Variants in ZFPM2 observed in about 807,000 individuals in gnomAD.
The protein encoded by ZFPM2 is zinc finger protein ZFPM2.
Under a neutral mutation model 98.6 loss-of-function variants are expected in ZFPM2, and 20 were observed. The observed-to-expected ratio is 0.20, with a 90% confidence interval of 0.14 to 0.29. The LOEUF (loss-of-function observed/expected upper bound fraction) is 0.29. Among genes scored for constraint, ZFPM2 ranks in the 10% least tolerant of loss-of-function variants. ZFPM2 has a pLI of 1.00. For synonymous variants in ZFPM2, 518 were observed against 502.7 expected (o/e 1.03, Z -0.41); for missense variants, 1,310 against 1,388.6 (o/e 0.94, Z 0.90).
chr8:105,440,392 T>C (rs1424331287), intron 2 of ZFPM2, among the ~76,000 whole-genome samples: 2 of 152,138 alleles, frequency 1.3e-5, no homozygotes, highest in African/African-American at 4.8e-5. Flanking sequence ...AAATCAGTTA[T>C]TAAAAAGTGA....
At chr8:105,782,687 T>A (rs1813285112) in intron 5 of ZFPM2, among the ~76,000 whole-genome samples, 1 of 152,126 alleles carries the variant, frequency 6.6e-6, no homozygotes, top group Admixed American at 6.5e-5. Flanking sequence ...ATTGTAATTT[T>A]GGGTAATATT....
At chr8:105,760,109 C>G (rs1157844856) in intron 5 of ZFPM2, among the ~76,000 whole-genome samples, 1 of 151,804 alleles carries the variant, frequency 6.6e-6, no homozygotes, top group African/African-American at 2.4e-5. Context: ...TCAGGGAAGA[C>G]TTCTTGGTGG....
chr8:105,677,261 T>C lies in ZFPM2; in HGVS notation c.532+42904T>C, dbSNP rs889533839. 8.2e-4 allele frequency among the ~76,000 whole-genome samples: 125 copies of C among 152,138 alleles called. 1 individual carries two copies. Among genetic ancestry groups the C allele is most frequent in the African/African-American group, 2.9e-3 (122 of 41,518 alleles). On this transcript the variant is annotated intron_variant, in intron 5 of 7. Coordinates refer to ENST00000407775, the MANE Select transcript of ZFPM2 (RefSeq NM_012082.4). ...CATAATAATGGCTAATTCTTAACAC[T>C]GCTTACTATGGACAAGATGCTATGC... is the stretch of plus-strand genomic sequence containing the variant.
intron 5 of ZFPM2, among the ~76,000 whole-genome samples, chr8:105,773,725 C>A (rs1813036661): frequency 6.6e-6 from 1 of 151,018 alleles, no homozygotes; most frequent in Non-Finnish European, 1.5e-5. Context: ...ACAAAACCCC[C>A]CACCACCATT....
At chr8:105,511,871 C>T (rs772363692) in intron 3 of ZFPM2, among the ~76,000 whole-genome samples, 3 of 152,106 alleles carry the variant, frequency 2.0e-5, no homozygotes, top group Admixed American at 6.6e-5. Flanking sequence ...ACAGGTCAGA[C>T]GGGGTGGTTC....
intron 3 of ZFPM2, among the ~76,000 whole-genome samples, chr8:105,542,775 A>G (rs1472481125): frequency 1.3e-5 from 2 of 152,214 alleles, no homozygotes; most frequent in East Asian, 1.9e-4. Flanking sequence ...GATTCCTTAT[A>G]TACTTTGCCA....
chr8:105,673,772 T>C (rs145525550), intron 5 of ZFPM2, among the ~76,000 whole-genome samples: 193 of 152,348 alleles, frequency 1.3e-3, no homozygotes, highest in African/African-American at 4.5e-3. Context: ...GCCACTTCTT[T>C]CTGAGCCTTA....
chr8:105,615,348 A>G (rs13271123), intron 4 of ZFPM2, among the ~76,000 whole-genome samples: 2,866 of 152,262 alleles, frequency 0.019, 33 homozygotes, highest in Non-Finnish European at 0.03. Flanking sequence ...AAGAATGTCA[A>G]GGACAGAGCA....
chr8:105,397,947 C>G (rs1371653227), intron 1 of ZFPM2, among the ~76,000 whole-genome samples: 3 of 152,014 alleles, frequency 2.0e-5, no homozygotes, highest in African/African-American at 7.2e-5. Context: ...AGAGGTTTAA[C>G]CAGCTACATC....
chr8:105,668,904 A>AT (rs997262233), intron 5 of ZFPM2, among the ~76,000 whole-genome samples: 1 of 152,174 alleles, frequency 6.6e-6, no homozygotes, highest in African/African-American at 2.4e-5. Flanking sequence ...GGTTTTTAAA[A>AT]TTTTTTAAAT....
intron 4 of ZFPM2, among the ~76,000 whole-genome samples, chr8:105,593,242 G>A (rs917032852): frequency 6.6e-6 from 1 of 152,012 alleles, no homozygotes; most frequent in Non-Finnish European, 1.5e-5. Context: ...GGAATGTATT[G>A]GAATGGTTAA....
intron 3 of ZFPM2, among the ~76,000 whole-genome samples, chr8:105,529,578 C>T (rs1272516076): frequency 1.6e-5 from 2 of 122,132 alleles, no homozygotes; most frequent in Non-Finnish European, 3.2e-5. Flanking sequence ...CAACTCTCAG[C>T]ATTTTTTTTT....
chr8:105,349,352 C>T (rs535737935), intron 1 of ZFPM2, among the ~76,000 whole-genome samples: 31 of 152,154 alleles, frequency 2.0e-4, no homozygotes, highest in African/African-American at 5.3e-4. Flanking sequence ...TTCTGAGGGC[C>T]CGAGTAATGT....
intron 5 of ZFPM2, among the ~76,000 whole-genome samples, chr8:105,785,570 T>A (rs1174720927): frequency 1.3e-5 from 2 of 152,162 alleles, no homozygotes; most frequent in African/African-American, 4.8e-5. Flanking sequence ...AGGATTAAAA[T>A]AGATGAATTA....
At chr8:105,423,357 T>C (rs1811842089) in intron 2 of ZFPM2, among the ~76,000 whole-genome samples, 1 of 152,214 alleles carries the variant, frequency 6.6e-6, no homozygotes, top group Non-Finnish European at 1.5e-5. Context: ...ATTTTTCATT[T>C]CTTTGAAATG....
intron 5 of ZFPM2, among the ~76,000 whole-genome samples, chr8:105,737,971 C>T (rs1812118011): frequency 7.0e-6 from 1 of 142,936 alleles, no homozygotes; most frequent in Non-Finnish European, 1.6e-5. Context: ...TAACCAAGAA[C>T]CTAAAAAGAT....
intron 3 of ZFPM2, among the ~76,000 whole-genome samples, chr8:105,471,168 C>T (rs1812896563): frequency 6.6e-6 from 1 of 152,138 alleles, no homozygotes; most frequent in African/African-American, 2.4e-5. Flanking sequence ...GTTTCCATCT[C>T]TGAATTTTCT....
At chr8:105,623,275 A>G (rs10505077) in intron 4 of ZFPM2, among the ~76,000 whole-genome samples, 1,602 of 152,234 alleles carry the variant, frequency 0.011, 26 homozygotes, top group Admixed American at 0.034. Flanking sequence ...TAGTTTAATA[A>G]TTTCACACAC....
intron 4 of ZFPM2, among the ~76,000 whole-genome samples, chr8:105,583,525 C>A (rs1790760524): frequency 6.6e-6 from 1 of 152,160 alleles, no homozygotes; most frequent in African/African-American, 2.4e-5. Flanking sequence ...TTACTTAAAT[C>A]TGTGCAACTG....
Sources: gnomAD v4.1 joint callset for allele counts (sites outside exome capture counted in the v4.1 genomes callset) on GRCh38, gnomAD v4.1.1 for gene constraint, MANE v1.5 for transcripts, NCBI Gene and HGNC (gene_info 2026-07-23, HGNC 2026-07-21) for gene names.